The following ZNF69 variants were observed in gnomAD, a reference collection of about 807,000 sequenced individuals.
ZNF69 encodes ZNF3.
A neutral mutation model predicts 50.9 loss-of-function variants in ZNF69; 47 were observed. The observed-to-expected ratio is 0.92, with a 90% CI of 0.73 to 1.18. ZNF69 has a LOEUF of 1.18. ZNF69 is among the 50% of genes most tolerant of loss of function. The probability of loss-of-function intolerance (pLI) is 0.00; values close to 1 mark genes in which losing one functional copy is unlikely to be tolerated. For missense variants in ZNF69, 717 were observed against 675.1 expected, an observed-to-expected ratio of 1.06 and a Z score of -0.69; for synonymous variants, 216 against 223.1, an observed-to-expected ratio of 0.97 and a Z score of 0.29.
the ZNF69 span, among the ~76,000 whole-genome samples, chr19:11,947,879 G>T: frequency 6.6e-6 from 1 of 152,030 alleles, no homozygotes; most frequent in Non-Finnish European, 1.5e-5. Context: ...TGGTGTGTAT[G>T]CATCGGTAGT....
chr19:11,950,419 C>A, the ZNF69 span: 1 of 765,042 alleles, frequency 1.3e-6, no homozygotes, highest in Non-Finnish European at 2.2e-6. Flanking sequence ...AGCCTTCATT[C>A]CTTTTACTTC....
At chr19:11,957,949 C>T in the ZNF69 span, among the ~76,000 whole-genome samples, 1 of 152,088 alleles carries the variant, frequency 6.6e-6, no homozygotes, top group Non-Finnish European at 1.5e-5. Context: ...GAAAACTGTT[C>T]ACCTAATGGT....
At chr19:11,978,274 G>T in the ZNF69 span, 1 of 1,614,056 alleles carries the variant, frequency 6.2e-7, no homozygotes, top group Non-Finnish European at 8.5e-7. Flanking sequence ...GTTGGCATAG[G>T]TAACTCATCT....
At chr19:11,902,592 G>A (rs1484102634) in intron 1 of ZNF69, among the ~76,000 whole-genome samples, 1 of 150,888 alleles carries the variant, frequency 6.6e-6, no homozygotes, top group East Asian at 1.9e-4. Context: ...GCATCATAAT[G>A]GAAGTTTCTT....
At chr19:11,916,427 C>T (rs1286545579), downstream of ZNF69, among the ~76,000 whole-genome samples, 2 of 152,124 alleles carry the variant, frequency 1.3e-5, no homozygotes, top group Admixed American at 1.3e-4. Context: ...CCACCCTGGC[C>T]AGCATGGTGA....
the ZNF69 span, chr19:11,965,113 C>G: frequency 6.5e-7 from 1 of 1,539,534 alleles, no homozygotes; most frequent in East Asian, 2.3e-5. Context: ...GACCTGGTAC[C>G]TCTACCCAGG....
At chr19:11,935,233 G>GTTT in the ZNF69 span, among the ~76,000 whole-genome samples, 32 of 93,204 alleles carry the variant, frequency 3.4e-4, no homozygotes, top group South Asian at 1.1e-3. Flanking sequence ...GAAAGATCTT[G>GTTT]TTTTTTTTTT....
chr19:11,969,886 T>C, the ZNF69 span, among the ~76,000 whole-genome samples: 1 of 152,194 alleles, frequency 6.6e-6, no homozygotes, highest in Non-Finnish European at 1.5e-5. Flanking sequence ...CTGGAAACTT[T>C]ACAGGGTGAT....
At chr19:11,901,319 G>C (rs1295010748) in intron 1 of ZNF69, among the ~76,000 whole-genome samples, 1 of 152,122 alleles carries the variant, frequency 6.6e-6, no homozygotes, top group African/African-American at 2.4e-5. Flanking sequence ...TTATGCTGGA[G>C]GTTGCACTTT....
At chr19:11,957,384 G>A in the ZNF69 span, among the ~76,000 whole-genome samples, 2 of 151,556 alleles carry the variant, frequency 1.3e-5, no homozygotes, top group South Asian at 2.1e-4. Flanking sequence ...GTGAGCCACC[G>A]TGCTCAGCCA....
At chr19:11,945,505 G>A in the ZNF69 span, among the ~76,000 whole-genome samples, 1 of 152,156 alleles carries the variant, frequency 6.6e-6, no homozygotes, top group East Asian at 1.9e-4. Flanking sequence ...AGTGCTTGAG[G>A]TGGACCTGGA....
chr19:11,908,919 C>T (rs1006953367), downstream of ZNF69, among the ~76,000 whole-genome samples: 8 of 151,780 alleles, frequency 5.3e-5, no homozygotes, highest in African/African-American at 1.4e-4. Context: ...ATTGATAGAC[C>T]GCCAGCAAGA....
chr19:11,887,837 G>A lies in ZNF69; in HGVS notation c.-87G>A. 6 of 1,240,324 alleles carry A rather than the reference G, an allele frequency of 4.8e-6. No individual in the cohort carries two copies. The highest frequency in any genetic ancestry group is 7.0e-6 in the Non-Finnish European group (6 of 863,244). The allele number at this position is 1,240,324 out of a possible 1,614,324, so 76.8% of individuals were successfully genotyped here. A position where few individuals can be genotyped will look rare whatever the true frequency, so the allele number is the denominator to read the frequency against. ...TTCCTTACCTCACCTTTGTCCCTGCGCGGGCTGCGGCTGGGATCCGGTCTT... is the reference window on the plus strand; with the variant it reads ...TTCCTTACCTCACCTTTGTCCCTGCACGGGCTGCGGCTGGGATCCGGTCTT... On this transcript the variant is annotated 5_prime_UTR_variant, in exon 1 of 4. Coordinates refer to ENST00000429654, the MANE Select transcript of ZNF69 (RefSeq NM_001364730.1).
the ZNF69 span, among the ~76,000 whole-genome samples, chr19:11,970,243 T>C: frequency 6.6e-6 from 1 of 152,084 alleles, no homozygotes; most frequent in South Asian, 2.1e-4. Flanking sequence ...AAGAGAGAAA[T>C]ATCCCAAAAG....
chr19:11,974,542 A>G, the ZNF69 span, among the ~76,000 whole-genome samples: 1 of 137,276 alleles, frequency 7.3e-6, no homozygotes, highest in Non-Finnish European at 1.5e-5. Flanking sequence ...GCATCCCGTC[A>G]TATGTTTGTT....
chr19:11,907,469 G>A (rs567142362), downstream of ZNF69, among the ~76,000 whole-genome samples: 263 of 152,314 alleles, frequency 1.7e-3, 1 homozygote, highest in Non-Finnish European at 2.9e-3. Flanking sequence ...GACTAACAGC[G>A]GATCTCTTGG....
the ZNF69 span, chr19:11,978,661 A>G: frequency 1.2e-6 from 2 of 1,614,146 alleles, no homozygotes; most frequent in Non-Finnish European, 1.7e-6. Flanking sequence ...CATCGAATAC[A>G]TGAAAGAACT....
intron 4 of ZNF69, chr19:11,913,393 C>CTT (rs34363657): frequency 8.4e-3 from 4,187 of 499,588 alleles, no homozygotes; most frequent in Non-Finnish European, 9.8e-3. Flanking sequence ...TTTTTCTTAT[C>CTT]TTTTTTTTTT....
At chr19:11,949,306 A>G in the ZNF69 span, 1 of 1,614,052 alleles carries the variant, frequency 6.2e-7, no homozygotes. Context: ...GAAAGCCTTC[A>G]GATCTGCCTC....
Sources: gnomAD v4.1 joint callset for allele counts (sites outside exome capture counted in the v4.1 genomes callset) on GRCh38, gnomAD v4.1.1 for gene constraint, MANE v1.5 for transcripts, NCBI Gene and HGNC (gene_info 2026-07-23, HGNC 2026-07-21) for gene names.